SPTSSA: variants seen among roughly 807,000 people sequenced by gnomAD.
SPTSSA encodes the protein small subunit of serine palmitoyltransferase A.
In SPTSSA, 8 loss-of-function variants were observed where a neutral mutation model predicts 9.1. The ratio of observed to expected loss-of-function variants is 0.88; its 90% CI spans 0.51 to 1.58. SPTSSA has a LOEUF of 1.58. Ranked by LOEUF, SPTSSA falls within the 40% of genes most tolerant of loss-of-function variation. SPTSSA has a pLI of 0.00. For synonymous variants in SPTSSA, 42 were observed against 37.7 expected (o/e 1.11, Z -0.41); for missense variants, 100 against 93.8 (o/e 1.07, Z -0.27).
chr14:34,459,374 C>T (rs1419350502), intron 1 of SPTSSA, among the ~76,000 whole-genome samples: 2 of 132,536 alleles, frequency 1.5e-5, no homozygotes, highest in African/African-American at 6.9e-5. Context: ...GCAGGAGAAT[C>T]GCTTGAATCC....
intron 1 of SPTSSA, among the ~76,000 whole-genome samples, chr14:34,435,754 T>C (rs147513123): frequency 3.7e-3 from 563 of 150,756 alleles, no homozygotes; most frequent in African/African-American, 0.013. Flanking sequence ...CTTAGCCTCC[T>C]GAGTAGCTGG....
At chr14:34,444,706 C>T (rs1225541691) in intron 1 of SPTSSA, among the ~76,000 whole-genome samples, 2 of 150,804 alleles carry the variant, frequency 1.3e-5, no homozygotes, top group East Asian at 1.9e-4. Context: ...GAGTCGAGAT[C>T]GCACCATTGT....
chr14:34,455,990 C>G (rs1883613525), intron 1 of SPTSSA, among the ~76,000 whole-genome samples: 1 of 150,778 alleles, frequency 6.6e-6, no homozygotes, highest in Non-Finnish European at 1.5e-5. Context: ...CAGCAAAAAT[C>G]TAAGAAAATA....
Position 34,435,272 on chromosome 14 carries a change from G to C in SPTSSA, c.145C>G (p.Leu49Val), listed in dbSNP as rs368059676. ...GGCATGAAGACGTATCCTGTGTATAGTGCCATCCCCACAATGGAAACCAGC... is the reference window on the plus strand; with the variant it reads ...GGCATGAAGACGTATCCTGTGTATACTGCCATCCCCACAATGGAAACCAGC... The part of the protein sequence containing the change: ...SMLVSIVGMA[L>V]YTGYVFMPQH... Residue 49 changes from leucine (L) to valine (V), a missense_variant, in exon 2 of 2, where the codon CTA (leucine) becomes GTA (valine). Coordinates refer to ENST00000298130, the MANE Select transcript of SPTSSA (RefSeq NM_138288.4). 1 of 1,613,112 alleles carries C rather than the reference G, an allele frequency of 6.2e-7. No homozygotes were observed. The highest frequency in any genetic ancestry group is 1.3e-5 in the African/African-American group (1 of 74,890).
chr14:34,458,438 C>A (rs1187070686), intron 1 of SPTSSA, among the ~76,000 whole-genome samples: 1 of 152,062 alleles, frequency 6.6e-6, no homozygotes, highest in Non-Finnish European at 1.5e-5. Context: ...CCCACCGCGG[C>A]CTCCCAGAGT....
At position 34,433,364 on chromosome 14, in the gene SPTSSA, T is replaced by C. The variant is rs1883187497; in HGVS notation, c.*1837A>G. ...TGCCTTCAACTCACCAGAGGAATAT[T>C]AGACATCCACTTGTTAGTGGTTCTC... is the stretch of plus-strand genomic sequence containing the variant. On this transcript the variant is annotated 3_prime_UTR_variant, in exon 2 of 2. Coordinates refer to ENST00000298130, the MANE Select transcript of SPTSSA (RefSeq NM_138288.4). The C allele has an allele frequency of 6.6e-6, 1 of 152,186 alleles. No individual in the cohort carries two copies. Among genetic ancestry groups the C allele is most frequent in the Admixed American group, 6.5e-5 (1 of 15,268 alleles). 9.4% of individuals were successfully genotyped at this position (152,186 alleles called of 1,614,324 possible).
intron 1 of SPTSSA, among the ~76,000 whole-genome samples, chr14:34,440,628 T>C (rs1883301244): frequency 6.6e-6 from 1 of 152,158 alleles, no homozygotes; most frequent in Non-Finnish European, 1.5e-5. Flanking sequence ...ACACCTATAA[T>C]CCCAGCACTT....
At chr14:34,435,435 A>G in intron 1 of SPTSSA, 131 bp from the exon 2 acceptor site, 1 of 562,526 alleles carries the variant, frequency 1.8e-6, no homozygotes, top group African/African-American at 1.9e-5. Context: ...AGCACTGATA[A>G]AAAAAACAAC....
chr14:34,449,948 C>T (rs954926469), intron 1 of SPTSSA, among the ~76,000 whole-genome samples: 1 of 152,122 alleles, frequency 6.6e-6, no homozygotes, highest in African/African-American at 2.4e-5. Flanking sequence ...ATTTAAAGTA[C>T]CCTTGACACA....
At chr14:34,455,778 A>G (rs1350163818) in intron 1 of SPTSSA, among the ~76,000 whole-genome samples, 1 of 151,904 alleles carries the variant, frequency 6.6e-6, no homozygotes, top group Non-Finnish European at 1.5e-5. Flanking sequence ...CTAAAAATAC[A>G]AAAATTACCT....
chr14:34,453,755 A>C (rs1027666712), intron 1 of SPTSSA, among the ~76,000 whole-genome samples: 1 of 152,206 alleles, frequency 6.6e-6, no homozygotes, highest in African/African-American at 2.4e-5. Context: ...TCTATTTCTC[A>C]TAACTATTGA....
chr14:34,450,254 A>T (rs1883496119), intron 1 of SPTSSA, among the ~76,000 whole-genome samples: 1 of 152,180 alleles, frequency 6.6e-6, no homozygotes, highest in Non-Finnish European at 1.5e-5. Flanking sequence ...TTTGTTATTA[A>T]TTTACAGTGT....
At chr14:34,446,816 A>G (rs1449595098) in intron 1 of SPTSSA, among the ~76,000 whole-genome samples, 1 of 152,230 alleles carries the variant, frequency 6.6e-6, no homozygotes, top group East Asian at 1.9e-4. Flanking sequence ...GTTATGCTAA[A>G]TAATAGAATT....
At chr14:34,453,884 T>TA (rs58447640) in intron 1 of SPTSSA, among the ~76,000 whole-genome samples, 5,552 of 147,644 alleles carry the variant, frequency 0.038, 292 homozygotes, top group African/African-American at 0.12. Context: ...TTTGTTCTTT[T>TA]AAAAAAAAAA....
chr14:34,438,854 T>G (rs1404488970), intron 1 of SPTSSA, among the ~76,000 whole-genome samples: 2 of 152,190 alleles, frequency 1.3e-5, no homozygotes, highest in African/African-American at 4.8e-5. Context: ...TCCATGTCCC[T>G]CTTTACTAGA....
At chr14:34,461,261 G>C (rs1878609709) in intron 1 of SPTSSA, among the ~76,000 whole-genome samples, 1 of 152,174 alleles carries the variant, frequency 6.6e-6, no homozygotes, top group Admixed American at 6.5e-5. Context: ...TGGACAAGCA[G>C]AGACAAGAAA....
intron 1 of SPTSSA, among the ~76,000 whole-genome samples, chr14:34,440,839 C>T (rs1019967544): frequency 1.3e-5 from 2 of 151,790 alleles, no homozygotes; most frequent in Non-Finnish European, 2.9e-5. Context: ...CGAGATGGCG[C>T]CACTGCACTC....
At chr14:34,458,736 G>A (rs1201729369) in intron 1 of SPTSSA, among the ~76,000 whole-genome samples, 1 of 136,118 alleles carries the variant, frequency 7.3e-6, no homozygotes, top group South Asian at 2.4e-4. Context: ...AACCGCCACC[G>A]CGCCCGGCCA....
rs565347966 is a variant in SPTSSA, at chr14:34,454,461, A to G, written c.112+7635T>C. 2.0e-5 allele frequency among the ~76,000 whole-genome samples: 3 copies of G among 152,316 alleles called. No individual in the cohort carries two copies. The South Asian group carries it at 6.2e-4, about 32-fold the overall frequency. On this transcript the variant is annotated intron_variant, in intron 1 of 1. Coordinates refer to ENST00000298130, the MANE Select transcript of SPTSSA (RefSeq NM_138288.4). ...GTTTTCATTATTTTCAACCTTTACC[A>G]ACCAAAAACTACTAAAGAAAAAGTT... is the stretch of plus-strand genomic sequence containing the variant.
Sources: gnomAD v4.1 joint callset for allele counts (sites outside exome capture counted in the v4.1 genomes callset) on GRCh38, gnomAD v4.1.1 for gene constraint, MANE v1.5 for transcripts, NCBI Gene and HGNC (gene_info 2026-07-23, HGNC 2026-07-21) for gene names.